SLC12A1: variants seen among roughly 807,000 people sequenced by gnomAD.
SLC12A1 encodes the protein Na-K-2Cl cotransporter.
A neutral mutation model predicts 130.4 loss-of-function variants in SLC12A1; 89 were observed. That is an observed-to-expected ratio of 0.68 (90% CI 0.58 to 0.81). The LOEUF (loss-of-function observed/expected upper bound fraction) is 0.81. Ranked by LOEUF, SLC12A1 falls within the 40% of genes least tolerant of loss-of-function variation. The pLI is 0.00. For missense variants in SLC12A1, 1,310 were observed against 1,336.4 expected, an observed-to-expected ratio of 0.98 and a Z score of 0.31; for synonymous variants, 499 against 460.0, an observed-to-expected ratio of 1.08 and a Z score of -1.09.
intron 21 of SLC12A1, among the ~76,000 whole-genome samples, chr15:48,286,210 T>C (rs2042057381): frequency 6.6e-6 from 1 of 152,192 alleles, no homozygotes; most frequent in Non-Finnish European, 1.5e-5. Context: ...ATTTCACCTG[T>C]AATATAATAG....
At chr15:48,244,314 G>A (rs1243797291) in intron 10 of SLC12A1, among the ~76,000 whole-genome samples, 4 of 152,066 alleles carry the variant, frequency 2.6e-5, no homozygotes, top group African/African-American at 2.4e-5. Context: ...TTGAAAAGAG[G>A]GGCTGCGTTC....
chr15:48,208,833 A>G (rs2041015272), intron 2 of SLC12A1, among the ~76,000 whole-genome samples: 1 of 152,224 alleles, frequency 6.6e-6, no homozygotes, highest in African/African-American at 2.4e-5. Context: ...TGTGGGTGAC[A>G]GCCTTTAGTG....
chr15:48,211,458 T>C (rs2041051199), intron 2 of SLC12A1, among the ~76,000 whole-genome samples: 1 of 152,216 alleles, frequency 6.6e-6, no homozygotes, highest in Non-Finnish European at 1.5e-5. Flanking sequence ...TTTATGGTAG[T>C]TCCTCAAATC....
chr15:48,240,311 C>A (rs2041501441), intron 9 of SLC12A1, among the ~76,000 whole-genome samples: 1 of 151,552 alleles, frequency 6.6e-6, no homozygotes, highest in Non-Finnish European at 1.5e-5. Context: ...TGTGTGCTGC[C>A]CCATTGCATA....
Position 48,226,401 on chromosome 15 carries a change from A to C in SLC12A1, c.629-75A>C, listed in dbSNP as rs2041286610. On this transcript the variant is annotated intron_variant, in intron 4 of 26. Coordinates refer to ENST00000380993, the MANE Select transcript of SLC12A1 (RefSeq NM_000338.3). ...GGACCTGAAAACTTAAGTTAAAGGCAGTGTAGTTTGCAGCAATAGGGAATC... is the reference window on the plus strand; with the variant it reads ...GGACCTGAAAACTTAAGTTAAAGGCCGTGTAGTTTGCAGCAATAGGGAATC... 5.7e-6 allele frequency: 5 copies of C among 875,728 alleles called. No individual in the cohort carries two copies. In the South Asian group the frequency reaches 8.2e-5, roughly 14 times the overall value. 54.2% of individuals were successfully genotyped at this position (875,728 alleles called of 1,614,324 possible).
intron 15 of SLC12A1, among the ~76,000 whole-genome samples, chr15:48,252,530 A>G (rs527999897): frequency 1.3e-5 from 2 of 152,348 alleles, no homozygotes; most frequent in South Asian, 4.1e-4. Flanking sequence ...GATACAATAT[A>G]GTAACCACTA....
intron 13 of SLC12A1, among the ~76,000 whole-genome samples, 174 bp from the exon 14 acceptor site, chr15:48,249,401 C>T (rs551876832): frequency 6.6e-6 from 1 of 152,136 alleles, no homozygotes; most frequent in South Asian, 2.1e-4. Context: ...TTATGGAAAC[C>T]CTAGCTAAGA....
chr15:48,297,825 G>A (rs559225860), intron 24 of SLC12A1, among the ~76,000 whole-genome samples: 2 of 152,144 alleles, frequency 1.3e-5, no homozygotes, highest in Non-Finnish European at 2.9e-5. Flanking sequence ...GCAAGAGCTG[G>A]AGCGAGAACC....
chr15:48,250,833 A>C (rs2041639952), intron 14 of SLC12A1, among the ~76,000 whole-genome samples: 2 of 152,108 alleles, frequency 1.3e-5, no homozygotes, highest in African/African-American at 4.8e-5. Flanking sequence ...GTGTTTTGGC[A>C]ACTCCTAATT....
chr15:48,230,357 C>G, intron 6 of SLC12A1, 36 bp from the exon 7 acceptor site: 1 of 1,309,070 alleles, frequency 7.6e-7, no homozygotes, highest in Non-Finnish European at 1.1e-6. Flanking sequence ...ATGCAAAAAG[C>G]TGTATCTCTA....
At chr15:48,245,481 T>G (rs1597423206) in intron 11 of SLC12A1, among the ~76,000 whole-genome samples, 2 of 152,324 alleles carry the variant, frequency 1.3e-5, no homozygotes, top group African/African-American at 4.8e-5. Flanking sequence ...TCATGAGTAC[T>G]CAATGTTTAG....
intron 11 of SLC12A1, among the ~76,000 whole-genome samples, chr15:48,246,545 C>T (rs547866814): frequency 6.6e-6 from 1 of 152,256 alleles, no homozygotes; most frequent in East Asian, 1.9e-4. Context: ...CTTTGAGAGG[C>T]TGAGGTGGGC....
chr15:48,289,413 ATATATATATATATATAAT>A (rs1286479654), intron 23 of SLC12A1, among the ~76,000 whole-genome samples: 5 of 133,758 alleles, frequency 3.7e-5, no homozygotes, highest in East Asian at 4.5e-4. Context: ...ATATATATAT[ATATATATATATATATAAT>A]GTATAACTAT....
At chr15:48,212,994 T>C (rs947133655) in intron 2 of SLC12A1, among the ~76,000 whole-genome samples, 1 of 152,236 alleles carries the variant, frequency 6.6e-6, no homozygotes, top group Admixed American at 6.5e-5. Flanking sequence ...CACTCAATCC[T>C]TAACAACAAC....
At chr15:48,246,789 A>AACG (rs2141057603) in intron 11 of SLC12A1, 120 bp from the exon 12 acceptor site, 1 of 815,546 alleles carries the variant, frequency 1.2e-6, no homozygotes, top group Non-Finnish European at 2.2e-6. Context: ...AACAAACAAC[A>AACG]ACAACAAGAA....
chr15:48,288,092 G>A lies in SLC12A1; in HGVS notation c.2679G>A (p.Gln893=). The part of the protein sequence containing the change: ...SQSMHVGEFN[Q]KLVEASTQFK... ...CGATGCATGTGGGAGAGTTCAACCA[G>A]AAACTGGTGGAAGCCAGCACTCAAT... The change falls in exon 22 of 27, where the codon CAG becomes CAA. Residue 893 remains glutamine (Q), a synonymous_variant. Transcript: ENST00000380993. The A allele has an allele frequency of 6.2e-7, 1 of 1,610,964 alleles. No individual in the cohort carries two copies. The highest frequency in any genetic ancestry group is 8.5e-7 in the Non-Finnish European group (1 of 1,178,554).
chr15:48,241,693 T>C (rs2041518012), intron 10 of SLC12A1, 94 bp downstream of exon 10: 1 of 870,132 alleles, frequency 1.1e-6, no homozygotes, highest in Non-Finnish European at 1.9e-6. Context: ...AAATACAGAG[T>C]TTTTTAAAAG....
At position 48,279,786 on chromosome 15, in the gene SLC12A1, A is replaced by C. The variant is rs34627012; in HGVS notation, c.2485+5133A>C. ...CATGTAAGTACAGCATGATTTGTGA[A>C]CATCTCAGAGCACGGGGATACTGCT... On this transcript the variant is annotated intron_variant, in intron 20 of 26. Transcript: ENST00000380993. 4.9e-3 allele frequency among the ~76,000 whole-genome samples: 742 copies of C among 152,364 alleles called. 8 individuals carry two copies. The highest frequency in any genetic ancestry group is 0.044 in the Middle Eastern group (13 of 294).
At chr15:48,233,120 T>C (rs2041400558) in intron 8 of SLC12A1, among the ~76,000 whole-genome samples, 2 of 152,154 alleles carry the variant, frequency 1.3e-5, no homozygotes, top group African/African-American at 4.8e-5. Context: ...AACTAACTAG[T>C]GATAAAATGG....
Sources: allele counts gnomAD v4.1 joint callset (sites outside exome capture counted in the v4.1 genomes callset), GRCh38; gene constraint gnomAD v4.1.1; transcripts MANE v1.5; gene names NCBI Gene and HGNC (gene_info 2026-07-23, HGNC 2026-07-21).